C3: variants seen among roughly 807,000 people sequenced by gnomAD.
C3 encodes C3 and PZP-like alpha-2-macroglobulin domain-containing protein 1.
A neutral mutation model predicts 207.9 loss-of-function variants in C3; 97 were observed. The observed-to-expected ratio is 0.47, with a 90% confidence interval of 0.40 to 0.55. The LOEUF is 0.55. Ranked by LOEUF, C3 falls within the 20% of genes least tolerant of loss-of-function variation. The pLI, the probability that C3 is intolerant of heterozygous loss-of-function variation, is 0.00. For missense variants in C3, 1,684 were observed against 2,171.7 expected (o/e 0.78, Z 4.46); for synonymous variants, 848 against 857.6 (o/e 0.99, Z 0.20).
chr19:6,684,971 T>G lies in C3; in HGVS notation c.3969+17A>C. 6.2e-7 allele frequency: 1 copy of G among 1,613,300 alleles called. No homozygotes were observed. Among genetic ancestry groups the G allele is most frequent in the Non-Finnish European group, 8.5e-7 (1 of 1,179,948 alleles). On this transcript the variant is annotated intron_variant, in intron 30 of 40. Coordinates refer to ENST00000245907, the MANE Select transcript of C3 (RefSeq NM_000064.4). Reference sequence around the variant, plus strand: ...GGAGACAGCCAGAGTGAGGAGGGCTTGGCTGGGTGACTGTACCTCTTCTGA... The same window carrying G: ...GGAGACAGCCAGAGTGAGGAGGGCTGGGCTGGGTGACTGTACCTCTTCTGA...
chr19:6,683,468 T>TTTG (rs55769976), intron 33 of C3: 8 of 142,070 alleles, frequency 5.6e-5, no homozygotes, highest in Non-Finnish European at 1.1e-4. Flanking sequence ...TTTTTTTTTT[T>TTTG]GAGACAGAGT....
rs753979097 is a variant in C3, at chr19:6,713,302, G to T, written c.890C>A (p.Ser297Ter). Residue 297 changes from serine (S) to a stop codon, truncating the protein, a stop_gained, in exon 9 of 41, where the codon TCG becomes TAG. Coordinates refer to ENST00000245907, the MANE Select transcript of C3 (RefSeq NM_000064.4). LOFTEE classifies it high-confidence loss of function. ...CTTCCGGCTCAGCACAACCTCCCCCGAGCCATCCTCAATCTGAGAAGGGAG... is the reference window on the plus strand; with the variant it reads ...CTTCCGGCTCAGCACAACCTCCCCCTAGCCATCCTCAATCTGAGAAGGGAG... ...SLKRIPIEDGSGEVVLSRKVL... is the reference protein window; with the variant it reads ...SLKRIPIEDG The T allele has an allele frequency of 2.7e-5, 44 of 1,613,730 alleles. No homozygotes were observed. Among genetic ancestry groups the T allele is most frequent in the Non-Finnish European group, 3.7e-5 (44 of 1,179,994 alleles).
At chr19:6,693,213 G>T in intron 25 of C3, 130 bp from the exon 26 acceptor site, 1 of 1,209,414 alleles carries the variant, frequency 8.3e-7, no homozygotes. Context: ...CAGGCCCCAG[G>T]ACCCAGCTGT....
At chr19:6,690,764 G>A (rs762650763) in intron 26 of C3, 37 bp from the exon 27 acceptor site, 34 of 1,515,580 alleles carry the variant, frequency 2.2e-5, no homozygotes, top group South Asian at 1.2e-4. Flanking sequence ...TGGGGTCACC[G>A]GTGTGTCCAC....
rs1399110742 is a variant in C3, at chr19:6,681,944, G to A, written c.4347C>T (p.Asp1449=). The part of the protein sequence containing the change: ...SDRNTLIIYL[D]KVSHSEDDCL... ...GGGGAGGATGATGCAGCCTTACCTT[G>A]TCCAGGTAGATGATGAGGGTGTTCC... The change falls in exon 35 of 41, where the codon GAC becomes GAT. Residue 1449 remains aspartate (D), a synonymous_variant. Coordinates refer to ENST00000245907, the MANE Select transcript of C3 (RefSeq NM_000064.4). 6.2e-7 allele frequency: 1 copy of A among 1,612,778 alleles called. No homozygotes were observed. The highest frequency in any genetic ancestry group is 8.5e-7 in the Non-Finnish European group (1 of 1,178,858).
At position 6,719,072 on chromosome 19, in the gene C3, A is replaced by G; in HGVS notation, c.267+139T>C. On this transcript the variant is annotated intron_variant, in intron 2 of 40. Transcript: ENST00000245907. This position sits in a 1 kb window ranked among gnomAD's most constrained non-coding sequence, Gnocchi z 5.4. ...AGAGAAGGGAGGGGCTTAGAAGGAG[A>G]GGCGACTCCGAAGGGGTGGAGTCTC... The G allele has an allele frequency of 2.7e-6, 2 of 741,268 alleles. No homozygotes were observed. The highest frequency in any genetic ancestry group is 2.6e-5 in the East Asian group (1 of 38,014). 45.9% of individuals were successfully genotyped at this position (741,268 alleles called of 1,614,324 possible). A position where few individuals can be genotyped will look rare whatever the true frequency, so the allele number is the denominator to read the frequency against.
intron 36 of C3, among the ~76,000 whole-genome samples, 193 bp from the exon 37 acceptor site, chr19:6,679,689 A>G (rs1239792440): frequency 6.6e-6 from 1 of 151,366 alleles, no homozygotes; most frequent in Admixed American, 6.6e-5. Context: ...AGTCTCTTAG[A>G]CTCTCAACTC....
chr19:6,720,560 C>A lies in C3; in HGVS notation c.30G>T (p.Leu10=), dbSNP rs1467819568. The A allele has an allele frequency of 6.3e-7, 1 of 1,590,510 alleles. No individual in the cohort carries two copies. Among genetic ancestry groups the A allele is most frequent in the Non-Finnish European group, 8.6e-7 (1 of 1,168,294 alleles). ...GGGGGAGGTGGGTTAGTAGCAGGAG[C>A]AGCAGGCTGGGACCTGAGGTGGGTC... MGPTSGPSL[L]LLLLTHLPLA... is the part of the protein sequence containing the mutation. The change falls in exon 1 of 41, where the codon CTG becomes CTT. Residue 10 remains leucine (L), a synonymous_variant. Coordinates refer to ENST00000245907, the MANE Select transcript of C3 (RefSeq NM_000064.4).
intron 24 of C3, among the ~76,000 whole-genome samples, chr19:6,693,699 AGAG>A (rs1456102009): frequency 3.9e-5 from 5 of 129,298 alleles, no homozygotes; most frequent in East Asian, 2.5e-4. Flanking sequence ...AGGGATTCAG[AGAG>A]GAGAAGGATA....
At chr19:6,690,828 T>C (rs1261873774) in intron 26 of C3, 101 bp from the exon 27 acceptor site, 3 of 891,262 alleles carry the variant, frequency 3.4e-6, no homozygotes, top group Non-Finnish European at 5.5e-6. Flanking sequence ...TGGGCAGGGC[T>C]GAGTCTCTTC....
intron 25 of C3, 117 bp from the exon 26 acceptor site, chr19:6,693,200 T>C: frequency 7.6e-7 from 1 of 1,307,430 alleles, no homozygotes; most frequent in East Asian, 2.3e-5. Context: ...TGGTTTGCCT[T>C]CCCAGGCCCC....
rs1917823998 is a variant in C3 at position 6,680,187 on chromosome 19, G to C, written c.4427C>G (p.Ala1476Gly). The change falls in exon 36 of 41, where the codon GCA (alanine) becomes GGA (glycine). Residue 1476 changes from alanine to glycine, a missense_variant. Physicochemically the swap from Ala to Gly is moderately conservative, Grantham distance 60. Transcript: ENST00000245907. ...GTTGTAATAGGCGTAGACCTTGACT[G>C]CTCCAGGCTGGATAAGCTCTACATT... ...YFNVELIQPGAVKVYAYYNLE... is the reference protein window; with the variant it reads ...YFNVELIQPGGVKVYAYYNLE... 6.2e-7 allele frequency: 1 copy of C among 1,612,536 alleles called. No homozygotes were observed. Among genetic ancestry groups the C allele is most frequent in the Admixed American group, 1.7e-5 (1 of 60,002 alleles).
intron 38 of C3, 100 bp downstream of exon 38, chr19:6,679,025 C>T: frequency 1.1e-6 from 1 of 903,206 alleles, no homozygotes; most frequent in Non-Finnish European, 1.9e-6. Flanking sequence ...CACCCACACC[C>T]ACAGCCTGAA....
At chr19:6,698,724 T>C (rs1967591460) in intron 19 of C3, among the ~76,000 whole-genome samples, 1 of 152,126 alleles carries the variant, frequency 6.6e-6, no homozygotes, top group East Asian at 1.9e-4. Flanking sequence ...CCAAACCCAA[T>C]GAAACAAAAC....
Position 6,690,649 on chromosome 19 carries a change from T to C in C3, c.3469A>G (p.Ile1157Val). The change falls in exon 27 of 41, where the codon ATT (isoleucine) becomes GTT (valine). Residue 1157 changes from isoleucine (I) to valine (V), a missense_variant. Ile to Val is a conservative substitution (Grantham distance 29, BLOSUM62 3). Transcript: ENST00000245907. ...CTTACGTTGACCTGCTCCTCGCAAA[T>C]ATCTTTAGCCTCCTGCAGCGAGATG... ...VLISLQEAKD[I>V]CEEQVNSLPG... The C allele has an allele frequency of 6.2e-7, 1 of 1,614,180 alleles. No homozygotes were observed. The highest frequency in any genetic ancestry group is 8.5e-7 in the Non-Finnish European group (1 of 1,179,994).
In C3 at chr19:6,702,204, G is replaced by T; in HGVS notation, c.2363C>A (p.Thr788Lys). 1 of 1,593,828 alleles carries T rather than the reference G, an allele frequency of 6.3e-7. No homozygotes were observed. Reference sequence around the variant, plus strand: ...TTTCAAAAATATATTCATGAGCTTCGTAGAGATTCTGGATGGAGAAGAGGT... The same window carrying T: ...TTTCAAAAATATATTCATGAGCTTCTTAGAGATTCTGGATGGAGAAGAGGT... ...LKEPPKNGIS[T>K]KLMNIFLKDS... Residue 788 changes from threonine (T) to lysine (K), a missense_variant, in exon 19 of 41, where the codon ACG (threonine) becomes AAG (lysine). Thr to Lys is a moderately conservative substitution (Grantham distance 78, BLOSUM62 -1). This residue lies in a region of C3 where 1,280 missense variants were observed against 1,739.1 expected (regional missense o/e 0.74). Coordinates refer to ENST00000245907, the MANE Select transcript of C3 (RefSeq NM_000064.4).
chr19:6,695,289 C>G (rs1741961779), intron 23 of C3, among the ~76,000 whole-genome samples: 1 of 150,546 alleles, frequency 6.6e-6, no homozygotes, highest in African/African-American at 2.5e-5. Context: ...AAAAAATCAT[C>G]ACACCAACCC....
rs1568213351 is a variant in C3, at chr19:6,689,298, C to CT, written c.3489+1330_3489+1331insA. On this transcript the variant is annotated intron_variant, in intron 27 of 40. Transcript: ENST00000245907. Reference sequence around the variant, plus strand: ...GTCAGATTTGTCTGACCCCACCTCTCCTCTCTCTCTCTCTCTCTCTCTCTA... The same window carrying CT: ...GTCAGATTTGTCTGACCCCACCTCTCTCTCTCTCTCTCTCTCTCTCTCTCTA... 6.8e-3 allele frequency among the ~76,000 whole-genome samples: 764 copies of CT among 113,010 alleles called. 22 individuals are homozygous for CT. Among genetic ancestry groups the CT allele is most frequent in the African/African-American group, 0.027 (719 of 27,076 alleles). The allele number at this position is 113,010 out of a possible 152,430, so 74.1% of individuals were successfully genotyped here. A position where few individuals can be genotyped will look rare whatever the true frequency, so the allele number is the denominator to read the frequency against.
chr19:6,698,442 C>A (rs956716536), intron 19 of C3, among the ~76,000 whole-genome samples: 1 of 152,132 alleles, frequency 6.6e-6, no homozygotes, highest in African/African-American at 2.4e-5. Context: ...TGTGGGGGAG[C>A]GCTGAGCACT....
Sources: allele counts gnomAD v4.1 joint callset (sites outside exome capture counted in the v4.1 genomes callset), GRCh38; gene constraint gnomAD v4.1.1; regional missense constraint gnomAD v4.1.1; non-coding constraint Gnocchi (gnomAD v3.1); transcripts MANE v1.5; gene names NCBI Gene and HGNC (gene_info 2026-07-23, HGNC 2026-07-21).